The following OLFML2A variants were observed in gnomAD, a reference collection of about 807,000 sequenced individuals.
OLFML2A encodes the protein olfactomedin-like protein 2A.
Under a neutral mutation model 60.9 loss-of-function variants are expected in OLFML2A, and 47 were observed. That is an observed-to-expected ratio of 0.77 (90% CI 0.61 to 0.98). The LOEUF (loss-of-function observed/expected upper bound fraction) is 0.98, where lower values mean the gene tolerates loss of function less well. Ranked by LOEUF, OLFML2A falls within the 50% of genes least tolerant of loss-of-function variation. The probability of loss-of-function intolerance (pLI) is 0.00; values close to 1 mark genes in which losing one functional copy is unlikely to be tolerated. For missense variants in OLFML2A, 922 were observed against 879.8 expected (o/e 1.05, Z -0.61); for synonymous variants, 372 against 375.0 (o/e 0.99, Z 0.09).
chr9:124,799,322 T>A lies in OLFML2A; in HGVS notation c.500T>A (p.Val167Glu), dbSNP rs1841726242. The A allele has an allele frequency of 6.2e-7, 1 of 1,613,062 alleles. No individual in the cohort carries two copies. The highest frequency in any genetic ancestry group is 8.5e-7 in the Non-Finnish European group (1 of 1,179,388). ...AACCTGAGCCGGGAGAATGAGGTGG[T>A]GAAGGACAGCGTGCGCCACCTCAGT... ...KANLSRENEV[V>E]KDSVRHLSEQ... The change falls in exon 4 of 8, where the codon GTG becomes GAG. Residue 167 changes from valine (V) to glutamate (E), a missense_variant. Coordinates refer to ENST00000373580, the MANE Select transcript of OLFML2A (RefSeq NM_182487.4).
chr9:124,784,418 G>T (rs977442044), intron 1 of OLFML2A, among the ~76,000 whole-genome samples: 4 of 152,014 alleles, frequency 2.6e-5, no homozygotes, highest in Non-Finnish European at 4.4e-5. Flanking sequence ...TGGCCAGGCT[G>T]GCCTCGAACT....
chr9:124,787,522 T>TTTTTTTTTTATTTTATTTTA (rs1554755900), intron 2 of OLFML2A, among the ~76,000 whole-genome samples: 1 of 137,756 alleles, frequency 7.3e-6, no homozygotes, highest in South Asian at 2.4e-4. Flanking sequence ...CAGTGGGTTG[T>TTTTTTTTTTATTTTATTTTA]TTTTATTTTA....
intron 2 of OLFML2A, among the ~76,000 whole-genome samples, chr9:124,791,504 A>G (rs914569649): frequency 6.6e-6 from 1 of 152,234 alleles, no homozygotes; most frequent in South Asian, 2.1e-4. Context: ...TGGGAGGCCA[A>G]GACAGGTGGA....
chr9:124,796,594 A>G (rs1464076092), intron 3 of OLFML2A, among the ~76,000 whole-genome samples: 1 of 152,240 alleles, frequency 6.6e-6, no homozygotes, highest in Non-Finnish European at 1.5e-5. Flanking sequence ...AAAAGCAAAA[A>G]GCTTTTGTTC....
intron 1 of OLFML2A, among the ~76,000 whole-genome samples, chr9:124,778,067 A>C (rs904878263): frequency 2.0e-5 from 3 of 152,174 alleles, no homozygotes; most frequent in African/African-American, 7.2e-5. Context: ...CCTGTAAAGT[A>C]CTTAGCACTA....
intron 2 of OLFML2A, among the ~76,000 whole-genome samples, chr9:124,794,511 C>G (rs190348011): frequency 3.9e-5 from 6 of 152,108 alleles, no homozygotes; most frequent in Non-Finnish European, 8.8e-5. Context: ...GAAGATGGAA[C>G]CTGTGGTTTT....
chr9:124,807,781 G>T lies in OLFML2A; in HGVS notation c.1169G>T (p.Gly390Val). ...PPSGPEVSSQGREASCEGTLR... is the reference protein window; with the variant it reads ...PPSGPEVSSQVREASCEGTLR... ...ATGCTGCCTGCCCTCCTCCCCACAG[G>T]CAGAGAGGCGAGCTGTGAGGGCACC... The change falls in exon 7 of 8, where the codon GGC becomes GTC. Residue 390 changes from glycine (G) to valine (V), a missense_variant and splice_region_variant. By Grantham distance (109) the Gly-to-Val change is moderately radical. Transcript: ENST00000373580. 1.9e-6 allele frequency: 3 copies of T among 1,609,176 alleles called. No homozygotes were observed. In the East Asian group the frequency reaches 6.7e-5, roughly 36 times the overall value.
chr9:124,788,706 CA>C (rs1229604096), intron 2 of OLFML2A, among the ~76,000 whole-genome samples: 2 of 152,216 alleles, frequency 1.3e-5, no homozygotes, highest in East Asian at 1.9e-4. Flanking sequence ...TAGGGCCCCC[CA>C]CCAGGACCCA....
At position 124,801,464 on chromosome 9, in the gene OLFML2A, G is replaced by GA. The variant is rs1471194948; in HGVS notation, c.724dup (p.Ser242LysfsTer98). On this transcript the variant is annotated frameshift_variant, in exon 5 of 8. Transcript: ENST00000373580. LOFTEE classifies it high-confidence loss of function. ...ACATCAGCAAGTATGGCAGTGTGCAGAAAAGCTTTGCAGACAGAGGCCTCC... is the reference window on the plus strand; with the variant it reads ...ACATCAGCAAGTATGGCAGTGTGCAGAAAAAGCTTTGCAGACAGAGGCCTCC... 6.2e-7 allele frequency: 1 copy of GA among 1,614,134 alleles called. No individual in the cohort carries two copies. Among genetic ancestry groups the GA allele is most frequent in the Non-Finnish European group, 8.5e-7 (1 of 1,180,022 alleles).
At position 124,804,112 on chromosome 9, in the gene OLFML2A, C is replaced by A; in HGVS notation, c.938C>A (p.Thr313Asn). Residue 313 changes from threonine to asparagine, a missense_variant, in exon 6 of 8, where the codon ACT becomes AAT. Thr to Asn is a moderately conservative substitution (Grantham distance 65, BLOSUM62 0). Coordinates refer to ENST00000373580, the MANE Select transcript of OLFML2A (RefSeq NM_182487.4). Reference protein sequence around the residue: ...EAVADNTLQGTSWLEQLPPKV... With the variant: ...EAVADNTLQGNSWLEQLPPKV... ...TCTGCAGACAACACCCTCCAGGGCA[C>A]TTCCTGGCTGGAGCAACTGCCGCCC... 1 of 1,614,132 alleles carries A rather than the reference C, an allele frequency of 6.2e-7. No homozygotes were observed. The highest frequency in any genetic ancestry group is 8.5e-7 in the Non-Finnish European group (1 of 1,179,982).
In OLFML2A at chr9:124,804,267, G is replaced by GCCCCCC; in HGVS notation, c.1095_1096insCCCCCC (p.Ala365_Thr366insProPro). ...TTCAATCCCTGCCACCACCACCACC[G>GCCCCCC]CCACCACCACCCCAACCCCCACCAC... On this transcript the variant is annotated inframe_insertion, in exon 6 of 8. Coordinates refer to ENST00000373580, the MANE Select transcript of OLFML2A (RefSeq NM_182487.4). 1.4e-6 allele frequency: 2 copies of GCCCCCC among 1,481,416 alleles called. No homozygotes were observed. The highest frequency in any genetic ancestry group is 1.9e-6 in the Non-Finnish European group (2 of 1,077,072). The allele number at this position is 1,481,416 out of a possible 1,614,324, so 91.8% of individuals were successfully genotyped here. A position where few individuals can be genotyped will look rare whatever the true frequency, so the allele number is the denominator to read the frequency against.
chr9:124,793,701 C>T (rs970553106), intron 2 of OLFML2A, among the ~76,000 whole-genome samples: 4 of 152,090 alleles, frequency 2.6e-5, no homozygotes, highest in Non-Finnish European at 2.9e-5. Context: ...GGCTCTGAAG[C>T]CAGAGATTCA....
intron 2 of OLFML2A, among the ~76,000 whole-genome samples, chr9:124,793,853 A>G (rs1229830676): frequency 2.6e-5 from 4 of 152,186 alleles, no homozygotes; most frequent in African/African-American, 9.7e-5. Flanking sequence ...AGCTGGAATA[A>G]CGTAGTAAGA....
intron 1 of OLFML2A, among the ~76,000 whole-genome samples, chr9:124,778,282 A>C (rs1357888475): frequency 6.6e-6 from 1 of 151,454 alleles, no homozygotes; most frequent in African/African-American, 2.4e-5. Context: ...AATGGCGTGA[A>C]CCCGGGAGGC....
chr9:124,780,259 G>C (rs559377394), intron 1 of OLFML2A, among the ~76,000 whole-genome samples: 1 of 152,326 alleles, frequency 6.6e-6, no homozygotes, highest in Non-Finnish European at 1.5e-5. Context: ...GCTTCTTGCT[G>C]TGGGTTCTTG....
chr9:124,806,302 T>C (rs936489300), intron 6 of OLFML2A, among the ~76,000 whole-genome samples: 1 of 152,186 alleles, frequency 6.6e-6, no homozygotes, highest in Non-Finnish European at 1.5e-5. Context: ...TAAATGTGTG[T>C]ATTTATAATG....
At position 124,804,283 on chromosome 9, in the gene OLFML2A, C is replaced by T; in HGVS notation, c.1109C>T (p.Thr370Ile). 2 of 1,336,272 alleles carry T rather than the reference C, an allele frequency of 1.5e-6. No homozygotes were observed. Among genetic ancestry groups the T allele is most frequent in the South Asian group, 1.2e-5 (1 of 80,918 alleles). The allele number at this position is 1,336,272 out of a possible 1,614,324, so 82.8% of individuals were successfully genotyped here. A position where few individuals can be genotyped will look rare whatever the true frequency, so the allele number is the denominator to read the frequency against. Residue 370 changes from threonine to isoleucine, a missense_variant, in exon 6 of 8, where the codon ACC becomes ATC. Thr to Ile is a moderately conservative substitution (Grantham distance 89, BLOSUM62 -1). Coordinates refer to ENST00000373580, the MANE Select transcript of OLFML2A (RefSeq NM_182487.4). ...ATTTTATTTP[T>I]PTTSLLPTEP... ...ACCACCACCGCCACCACCACCCCAA[C>T]CCCCACCACCAGTCTCCTGCCCACC... is the stretch of plus-strand genomic sequence containing the variant.
At chr9:124,782,017 G>A (rs374547540) in intron 1 of OLFML2A, among the ~76,000 whole-genome samples, 3 of 152,214 alleles carry the variant, frequency 2.0e-5, no homozygotes, top group Non-Finnish European at 4.4e-5. Flanking sequence ...TGCTGAGCAA[G>A]GCTGCAGGGA....
At position 124,787,256 on chromosome 9, in the gene OLFML2A, A is replaced by G; in HGVS notation, c.354+18A>G. The G allele has an allele frequency of 6.2e-7, 1 of 1,610,924 alleles. No homozygotes were observed. The highest frequency in any genetic ancestry group is 8.5e-7 in the Non-Finnish European group (1 of 1,177,478). Reference sequence around the variant, plus strand: ...TCCTCAAGGTAGACTTGGTGGGGTGATGGAGGGAGTAAGGGCCTATCATGA... The same window carrying G: ...TCCTCAAGGTAGACTTGGTGGGGTGGTGGAGGGAGTAAGGGCCTATCATGA... On this transcript the variant is annotated intron_variant, in intron 2 of 7. Coordinates refer to ENST00000373580, the MANE Select transcript of OLFML2A (RefSeq NM_182487.4).
Sources: allele counts gnomAD v4.1 joint callset (sites outside exome capture counted in the v4.1 genomes callset), GRCh38; gene constraint gnomAD v4.1.1; transcripts MANE v1.5; gene names NCBI Gene and HGNC (gene_info 2026-07-23, HGNC 2026-07-21).